Variants in JAKMIP2 observed in about 807,000 individuals in gnomAD.
JAKMIP2 encodes the protein janus kinase and microtubule-interacting protein 2.
In JAKMIP2, 25 loss-of-function variants were observed where a neutral mutation model predicts 115.0. That is an observed-to-expected ratio of 0.22 (90% CI 0.16 to 0.30). The LOEUF (loss-of-function observed/expected upper bound fraction) is 0.30, where lower values mean the gene tolerates loss of function less well. Among genes scored for constraint, JAKMIP2 ranks in the 10% least tolerant of loss-of-function variants. JAKMIP2 has a pLI of 1.00. For missense variants in JAKMIP2, 642 were observed against 957.6 expected, an observed-to-expected ratio of 0.67 and a Z score of 4.35; for synonymous variants, 334 against 343.6, an observed-to-expected ratio of 0.97 and a Z score of 0.31.
chr5:147,780,838 GT>G (rs1755730325), intron 1 of JAKMIP2, among the ~76,000 whole-genome samples: 2 of 152,122 alleles, frequency 1.3e-5, no homozygotes, highest in African/African-American at 2.4e-5. Context: ...ATTTTACATT[GT>G]AAAAAATGTC....
intron 5 of JAKMIP2, among the ~76,000 whole-genome samples, chr5:147,647,636 C>A (rs1216943097): frequency 6.6e-6 from 1 of 152,108 alleles, no homozygotes; most frequent in African/African-American, 2.4e-5. Flanking sequence ...TAAGAGTATG[C>A]CCTACATCCA....
At chr5:147,722,678 A>T (rs1010583473) in intron 1 of JAKMIP2, among the ~76,000 whole-genome samples, 12 of 152,224 alleles carry the variant, frequency 7.9e-5, no homozygotes, top group African/African-American at 2.9e-4. Flanking sequence ...CGGTATTATT[A>T]GAAATGAAAT....
chr5:147,618,663 G>A lies in JAKMIP2; in HGVS notation c.2143-549C>T, dbSNP rs781673178. Among the ~76,000 whole-genome samples, 4 of 152,260 alleles carry A rather than the reference G, an allele frequency of 2.6e-5. No homozygotes were observed. In the South Asian group the frequency reaches 6.2e-4, roughly 24 times the overall value. On this transcript the variant is annotated intron_variant, in intron 18 of 21. Coordinates refer to ENST00000616793, the MANE Select transcript of JAKMIP2 (RefSeq NM_001270941.2). ...TGAGACAGAAGAATCACTGGAACCC[G>A]AGAGGCGGAAGTTGCAGTGAGCCGA...
chr5:147,781,576 G>A (rs1422441648), intron 1 of JAKMIP2, among the ~76,000 whole-genome samples: 1 of 152,080 alleles, frequency 6.6e-6, no homozygotes, highest in African/African-American at 2.4e-5. Flanking sequence ...AAAGAGGCAG[G>A]CTACAAATTT....
At chr5:147,688,462 T>C (rs929890405) in intron 1 of JAKMIP2, among the ~76,000 whole-genome samples, 1 of 152,158 alleles carries the variant, frequency 6.6e-6, no homozygotes, top group African/African-American at 2.4e-5. Flanking sequence ...AGATCTAGGG[T>C]TGTGGTTGAA....
intron 1 of JAKMIP2, among the ~76,000 whole-genome samples, chr5:147,727,502 G>A (rs1753565364): frequency 6.6e-6 from 1 of 152,158 alleles, no homozygotes; most frequent in African/African-American, 2.4e-5. Flanking sequence ...ATGGCAGCAG[G>A]AGAGAATGCA....
intron 20 of JAKMIP2, among the ~76,000 whole-genome samples, chr5:147,609,679 T>C (rs1481136196): frequency 6.6e-6 from 1 of 152,184 alleles, no homozygotes; most frequent in Non-Finnish European, 1.5e-5. Flanking sequence ...TCGAGGAGTA[T>C]CTTTGTGGTG....
intron 2 of JAKMIP2, among the ~76,000 whole-genome samples, chr5:147,666,163 A>T (rs1390180739): frequency 4.6e-5 from 7 of 152,154 alleles, no homozygotes; most frequent in African/African-American, 1.4e-4. Flanking sequence ...TTAAGTCTGG[A>T]AGAAGTGTTT....
At chr5:147,671,157 C>G (rs996653277) in intron 2 of JAKMIP2, among the ~76,000 whole-genome samples, 3 of 151,986 alleles carry the variant, frequency 2.0e-5, no homozygotes, top group African/African-American at 7.3e-5. Flanking sequence ...ACAGAATGAT[C>G]GAGAGAGAGA....
intron 1 of JAKMIP2, among the ~76,000 whole-genome samples, chr5:147,695,677 T>TGTGTGTGTGTGA (rs532821164): frequency 3.4e-5 from 5 of 147,112 alleles, no homozygotes; most frequent in South Asian, 4.6e-4. Flanking sequence ...TGTGTGTGTG[T>TGTGTGTGTGTGA]GAGAGAGAGA....
At chr5:147,661,779 T>A (rs1181085503) in intron 2 of JAKMIP2, 1 of 259,536 alleles carries the variant, frequency 3.9e-6, no homozygotes, top group Non-Finnish European at 7.3e-6. Flanking sequence ...GCCCCAGATC[T>A]ATGACTCAGA....
At chr5:147,709,245 T>A (rs754520077) in intron 1 of JAKMIP2, among the ~76,000 whole-genome samples, 16 of 152,188 alleles carry the variant, frequency 1.1e-4, no homozygotes, top group Non-Finnish European at 1.8e-4. Context: ...GATCTCAGTA[T>A]CCAATGAGAA....
intron 1 of JAKMIP2, among the ~76,000 whole-genome samples, chr5:147,685,212 C>A (rs1760509747): frequency 6.6e-6 from 1 of 152,096 alleles, no homozygotes; most frequent in Non-Finnish European, 1.5e-5. Context: ...CAGAAAAAGT[C>A]TGTATAATGT....
intron 9 of JAKMIP2, among the ~76,000 whole-genome samples, 166 bp from the exon 10 acceptor site, chr5:147,639,926 GT>G (rs1467635220): frequency 6.6e-6 from 1 of 152,090 alleles, no homozygotes; most frequent in African/African-American, 2.4e-5. Flanking sequence ...CACAAATACT[GT>G]AATACTTTCA....
rs1561547769 is a variant in JAKMIP2 at position 147,702,667 on chromosome 5, AG to A, written c.-148-30714del. On this transcript the variant is annotated intron_variant, in intron 1 of 21. Coordinates refer to ENST00000616793, the MANE Select transcript of JAKMIP2 (RefSeq NM_001270941.2). The stretch of plus-strand genomic sequence containing the variant: ...AAGAAAGAAAGAAAGAAAGAAAGAG[AG>A]AGAAAGAAAGAGAAAGAAAGAAAAG... Among the ~76,000 whole-genome samples the A allele has an allele frequency of 8.2e-3, 801 of 97,334 alleles. 21 individuals carry two copies. The highest frequency in any genetic ancestry group is 0.029 in the African/African-American group (516 of 17,766). 63.9% of individuals were successfully genotyped at this position (97,334 alleles called of 152,430 possible).
At position 147,742,155 on chromosome 5, in the gene JAKMIP2, A is replaced by ATATATATATATATATATATTTT; in HGVS notation, c.-149+40300_-149+40301insAAAATATATATATATATATATA. ...TGTGGATCATTATATATATATATAT[A>ATATATATATATATATATATTTT]TTTTTTTTACTATTGTATTGTATCT... is the stretch of plus-strand genomic sequence containing the variant. On this transcript the variant is annotated intron_variant, in intron 1 of 21. Coordinates refer to ENST00000616793, the MANE Select transcript of JAKMIP2 (RefSeq NM_001270941.2). Among the ~76,000 whole-genome samples, 27 of 108,902 alleles carry ATATATATATATATATATATTTT rather than the reference A, an allele frequency of 2.5e-4. 1 individual carries two copies. The highest frequency in any genetic ancestry group is 1.4e-3 in the Admixed American group (15 of 10,390). The allele number at this position is 108,902 out of a possible 152,430, so 71.4% of individuals were successfully genotyped here. A position where few individuals can be genotyped will look rare whatever the true frequency, so the allele number is the denominator to read the frequency against.
rs144967266 is a variant in JAKMIP2, at chr5:147,742,825, G to A, written c.-149+39631C>T. Reference sequence around the variant, plus strand: ...TTAATGATCCCTACACTATTTCGGTGTTAGAATTGAAGAAATTACTGAAAT... The same window carrying A: ...TTAATGATCCCTACACTATTTCGGTATTAGAATTGAAGAAATTACTGAAAT... On this transcript the variant is annotated intron_variant, in intron 1 of 21. Transcript: ENST00000616793. 2.0e-5 allele frequency among the ~76,000 whole-genome samples: 3 copies of A among 151,986 alleles called. No individual in the cohort carries two copies. The East Asian group carries it at 5.8e-4, about 30-fold the overall frequency.
At chr5:147,704,877 T>C (rs912395767) in intron 1 of JAKMIP2, among the ~76,000 whole-genome samples, 1 of 152,162 alleles carries the variant, frequency 6.6e-6, no homozygotes, top group Non-Finnish European at 1.5e-5. Flanking sequence ...TAGGTAGTCA[T>C]AGGCCCACTG....
intron 3 of JAKMIP2, chr5:147,660,463 T>C (rs1025066919): frequency 1.5e-5 from 7 of 454,950 alleles, no homozygotes; most frequent in Non-Finnish European, 2.7e-5. Context: ...TCATGGTTTC[T>C]GGAAGAAAAG....
Sources: allele counts gnomAD v4.1 joint callset (sites outside exome capture counted in the v4.1 genomes callset), GRCh38; gene constraint gnomAD v4.1.1; transcripts MANE v1.5; gene names NCBI Gene and HGNC (gene_info 2026-07-23, HGNC 2026-07-21).